The following XAF1 variants were observed in gnomAD, a reference collection of about 807,000 sequenced individuals.
XAF1 encodes the protein XIAP associated factor 1, also known as XIAP-associated factor 1.
A neutral mutation model predicts 32.3 loss-of-function variants in XAF1; 32 were observed. The observed-to-expected ratio is 0.99, with a 90% confidence interval of 0.75 to 1.33. The LOEUF (loss-of-function observed/expected upper bound fraction) is 1.33, where lower values mean the gene tolerates loss of function less well. Among genes scored for constraint, XAF1 ranks in the 40% most tolerant of loss-of-function variants. The probability of loss-of-function intolerance (pLI) is 0.00; values close to 1 mark genes in which losing one functional copy is unlikely to be tolerated. For synonymous variants in XAF1, 120 were observed against 125.9 expected, an observed-to-expected ratio of 0.95 and a Z score of 0.31; for missense variants, 379 against 366.0, an observed-to-expected ratio of 1.04 and a Z score of -0.29.
intron 5 of XAF1, among the ~76,000 whole-genome samples, chr17:6,763,853 C>A (rs1487544642): frequency 2.0e-5 from 3 of 152,198 alleles, no homozygotes; most frequent in African/African-American, 7.2e-5. Flanking sequence ...GGATTCTCAG[C>A]CTTGGCTGTA....
chr17:6,757,597 T>G (rs1974786104), intron 1 of XAF1, among the ~76,000 whole-genome samples: 1 of 78,042 alleles, frequency 1.3e-5, no homozygotes, highest in Non-Finnish European at 2.6e-5. Context: ...AATTTGGCAC[T>G]TCTCTCAAAT....
intron 5 of XAF1, among the ~76,000 whole-genome samples, chr17:6,764,567 GA>G (rs1255962163): frequency 6.6e-6 from 1 of 151,650 alleles, no homozygotes; most frequent in Non-Finnish European, 1.5e-5. Flanking sequence ...TGCACGAAAA[GA>G]ATTTTTTTTT....
chr17:6,767,133 T>C (rs1177416661), intron 5 of XAF1, among the ~76,000 whole-genome samples: 2 of 152,210 alleles, frequency 1.3e-5, no homozygotes, highest in African/African-American at 4.8e-5. Flanking sequence ...CTACACACTG[T>C]ATACATGTAT....
chr17:6,770,450 G>A (rs1377064719), intron 5 of XAF1, among the ~76,000 whole-genome samples, 193 bp from the exon 6 acceptor site: 1 of 152,144 alleles, frequency 6.6e-6, no homozygotes, highest in East Asian at 1.9e-4. Context: ...CAACCAGTCA[G>A]ACCTTCATTC....
At chr17:6,761,277 A>G (rs1975186727) in intron 4 of XAF1, among the ~76,000 whole-genome samples, 1 of 152,208 alleles carries the variant, frequency 6.6e-6, no homozygotes, top group African/African-American at 2.4e-5. Context: ...AAACCTACAC[A>G]CAGAATAAAG....
chr17:6,759,996 G>C, intron 3 of XAF1: 1 of 573,224 alleles, frequency 1.7e-6, no homozygotes, highest in South Asian at 2.1e-5. Context: ...CTGCTTTCTC[G>C]TATTGGCCCT....
chr17:6,762,089 G>T, intron 4 of XAF1, 66 bp from the exon 5 acceptor site: 1 of 1,608,918 alleles, frequency 6.2e-7, no homozygotes, highest in South Asian at 1.1e-5. Flanking sequence ...GTATGCAGTT[G>T]TGGGAGAGCT....
intron 5 of XAF1, among the ~76,000 whole-genome samples, chr17:6,766,022 A>G (rs892286338): frequency 6.6e-6 from 1 of 152,102 alleles, no homozygotes; most frequent in African/African-American, 2.4e-5. Flanking sequence ...TTTCTTGAGC[A>G]TACCATGCCT....
At chr17:6,762,032 G>C (rs1975246131) in intron 4 of XAF1, 123 bp from the exon 5 acceptor site, 1 of 1,556,056 alleles carries the variant, frequency 6.4e-7, no homozygotes, top group Non-Finnish European at 8.7e-7. Flanking sequence ...GGAAAGTCAA[G>C]ACCAGGCAGG....
intron 3 of XAF1, 43 bp from the exon 4 acceptor site, chr17:6,760,363 A>AG (rs1975089320): frequency 3.4e-5 from 51 of 1,497,184 alleles, no homozygotes; most frequent in Non-Finnish European, 4.0e-5. Flanking sequence ...AAAAAAAAAA[A>AG]AAAAAGGGCC....
At chr17:6,765,868 C>A (rs1399194838) in intron 5 of XAF1, among the ~76,000 whole-genome samples, 1 of 152,214 alleles carries the variant, frequency 6.6e-6, no homozygotes, top group Non-Finnish European at 1.5e-5. Flanking sequence ...CTGTTCAGAT[C>A]TCTGTACTGA....
chr17:6,755,812 G>A, upstream of XAF1: 1 of 1,310,570 alleles, frequency 7.6e-7, no homozygotes, highest in Non-Finnish European at 9.8e-7. Context: ...GGAGAGGCCT[G>A]GCCTCAGGCT....
In XAF1 at chr17:6,762,131, G is replaced by A. The variant is rs776701495; in HGVS notation, c.422-24G>A. On this transcript the variant is annotated intron_variant, in intron 4 of 6. Transcript: ENST00000361842. Reference sequence around the variant, plus strand: ...GCCGTTGACAAGGACAATCATTTGTGGTGTTGTTTCTCTGCTTATTCAGGG... The same window carrying A: ...GCCGTTGACAAGGACAATCATTTGTAGTGTTGTTTCTCTGCTTATTCAGGG... The A allele has an allele frequency of 8.7e-6, 14 of 1,611,890 alleles. No homozygotes were observed. In the East Asian group the frequency reaches 2.2e-4, roughly 26 times the overall value.
intron 2 of XAF1, chr17:6,759,291 T>C (rs1389779606): frequency 8.4e-7 from 1 of 1,193,014 alleles, no homozygotes; most frequent in African/African-American, 1.6e-5. Context: ...GGTTCTGGTT[T>C]CAGGAAAGAC....
At chr17:6,773,090 C>CT (rs1391680282) in intron 6 of XAF1, 23 bp from the exon 7 acceptor site, 1 of 1,600,000 alleles carries the variant, frequency 6.3e-7, no homozygotes, top group Non-Finnish European at 8.5e-7. Flanking sequence ...CCATATCAAA[C>CT]TTTTTTTATA....
chr17:6,770,837 CA>C lies in XAF1; in HGVS notation c.707del (p.Asn236ThrfsTer8), dbSNP rs1161882585. 1 of 1,613,454 alleles carries C rather than the reference CA, an allele frequency of 6.2e-7. No individual in the cohort carries two copies. Among genetic ancestry groups the C allele is most frequent in the African/African-American group, 1.3e-5 (1 of 74,820 alleles). On this transcript the variant is annotated frameshift_variant, in exon 6 of 7. Transcript: ENST00000361842. LOFTEE classifies it high-confidence loss of function. ...ESSSKKAPRS[K>X]NKTLDPLLMS... is the part of the protein sequence containing the mutation. Reference sequence around the variant, plus strand: ...GTTCATCAAAGAAAGCACCAAGAAGCAAAAACAAAACCTTGGATCCACTTTT... The same window carrying C: ...GTTCATCAAAGAAAGCACCAAGAAGCAAAACAAAACCTTGGATCCACTTTT...
At chr17:6,765,944 C>G (rs938726236) in intron 5 of XAF1, among the ~76,000 whole-genome samples, 2 of 152,096 alleles carry the variant, frequency 1.3e-5, no homozygotes, top group Non-Finnish European at 2.9e-5. Context: ...ATCTTTGCCT[C>G]CCTTCTTATC....
upstream of XAF1, chr17:6,755,520 G>A (rs1597704418): frequency 2.0e-6 from 2 of 990,166 alleles, no homozygotes; most frequent in East Asian, 2.2e-4. Flanking sequence ...CCCCCAGGAG[G>A]ATACACACCA....
chr17:6,773,067 C>A (rs749757529), intron 6 of XAF1, 46 bp from the exon 7 acceptor site: 113 of 1,523,956 alleles, frequency 7.4e-5, no homozygotes, highest in Non-Finnish European at 8.9e-5. Flanking sequence ...GGAGCTAGCA[C>A]TTCTTACTTT....
Sources: gnomAD v4.1 joint callset for allele counts (sites outside exome capture counted in the v4.1 genomes callset) on GRCh38, gnomAD v4.1.1 for gene constraint, MANE v1.5 for transcripts, NCBI Gene and HGNC (gene_info 2026-07-23, HGNC 2026-07-21) for gene names.